Variants in FAM118B observed in about 807,000 individuals in gnomAD.
The protein encoded by FAM118B is protein FAM118B.
A neutral mutation model predicts 38.5 loss-of-function variants in FAM118B; 24 were observed. That is an observed-to-expected ratio of 0.62 (90% confidence interval 0.45 to 0.88). The LOEUF (loss-of-function observed/expected upper bound fraction) is 0.88. FAM118B is among the 40% of genes least tolerant of loss of function. The probability of loss-of-function intolerance (pLI) is 0.00; values close to 1 mark genes in which losing one functional copy is unlikely to be tolerated. For synonymous variants in FAM118B, 138 were observed against 156.3 expected (o/e 0.88, Z 0.87); for missense variants, 334 against 420.0 (o/e 0.80, Z 1.79).
chr11:126,254,328 G>A lies in FAM118B; in HGVS notation c.591G>A (p.Lys197=), dbSNP rs141587186. Reference sequence around the variant, plus strand: ...AGGTCCTCGAGTGGGCTCAGGAGAAGCGTAAGCTGAGCGTGTTGCATATTC... The same window carrying A: ...AGGTCCTCGAGTGGGCTCAGGAGAAACGTAAGCTGAGCGTGTTGCATATTC... ...EKKVLEWAQE[K]RKLSVLHIHG... Residue 197 remains lysine (K), a synonymous_variant, in exon 6 of 9, where the codon AAG becomes AAA. Coordinates refer to ENST00000533050, the MANE Select transcript of FAM118B (RefSeq NM_024556.4). 7.1e-5 allele frequency: 115 copies of A among 1,614,178 alleles called. No individual in the cohort carries two copies. In the African/African-American group the frequency reaches 1.4e-3, roughly 19 times the overall value.
chr11:126,256,817 G>C lies in FAM118B; in HGVS notation c.947G>C (p.Arg316Pro). The part of the protein sequence containing the change: ...DYADLPEYFK[R>P]LTCEISTRGT... ...GCCGATCTTCCAGAATATTTCAAGC[G>C]ACTGACATGTGAGATCTCCACAAGG... Residue 316 changes from arginine (R) to proline (P), a missense_variant, in exon 7 of 9, where the codon CGA (arginine) becomes CCA (proline). Arg to Pro is a moderately radical substitution (Grantham distance 103). Coordinates refer to ENST00000533050, the MANE Select transcript of FAM118B (RefSeq NM_024556.4). The surrounding 1 kb of genome is among the most constrained non-coding windows in gnomAD (Gnocchi z 6.6). 6.2e-7 allele frequency: 1 copy of C among 1,612,100 alleles called. No homozygotes were observed. The highest frequency in any genetic ancestry group is 8.5e-7 in the Non-Finnish European group (1 of 1,179,122).
rs1270906079 is a variant in FAM118B at position 126,240,877 on chromosome 11, C to A, written c.172C>A (p.Gln58Lys). The A allele has an allele frequency of 1.2e-6, 2 of 1,614,072 alleles. No homozygotes were observed. The highest frequency in any genetic ancestry group is 1.7e-6 in the Non-Finnish European group (2 of 1,180,042). The change falls in exon 4 of 9, where the codon CAA becomes AAA. Residue 58 changes from glutamine to lysine, a missense_variant. Transcript: ENST00000533050. Reference sequence around the variant, plus strand: ...AGGCATTAGTGCTGCAGTTGCGCCCCAAGTTCCAGCCCTCAAATCCTGGAA... The same window carrying A: ...AGGCATTAGTGCTGCAGTTGCGCCCAAAGTTCCAGCCCTCAAATCCTGGAA... ...GTGISAAVAP[Q>K]VPALKSWKGL...
Position 126,218,706 on chromosome 11 carries a change from G to A in FAM118B, c.-77+6876G>A, listed in dbSNP as rs191945513. Among the ~76,000 whole-genome samples the A allele has an allele frequency of 4.2e-3, 634 of 152,268 alleles. 3 individuals carry two copies. Among genetic ancestry groups the A allele is most frequent in the Non-Finnish European group, 6.8e-3 (462 of 68,026 alleles). On this transcript the variant is annotated intron_variant, in intron 1 of 8. Transcript: ENST00000533050. Reference sequence around the variant, plus strand: ...TTGTTATTTTAAGTTCCCAGCGTGGGTCTTGTTGGGTGGTGGCCATTACTA... The same window carrying A: ...TTGTTATTTTAAGTTCCCAGCGTGGATCTTGTTGGGTGGTGGCCATTACTA...
At chr11:126,241,140 G>A (rs1950352299) in intron 4 of FAM118B, 96 bp downstream of exon 4, 4 of 1,262,334 alleles carry the variant, frequency 3.2e-6, no homozygotes, top group East Asian at 4.7e-5. Context: ...CATGCCAAAT[G>A]TAACAGGGAT....
chr11:126,214,832 A>G (rs1949958271), intron 1 of FAM118B, among the ~76,000 whole-genome samples: 1 of 152,180 alleles, frequency 6.6e-6, no homozygotes, highest in African/African-American at 2.4e-5. Flanking sequence ...CAGGAACAAA[A>G]AGGCTGCATT....
chr11:126,214,520 T>TTG (rs1555048636), intron 1 of FAM118B: 1 of 131,904 alleles, frequency 7.6e-6, no homozygotes, highest in African/African-American at 2.8e-5. Context: ...TTTTGTTTTT[T>TTG]TTTTTTTACC....
At chr11:126,238,031 T>C (rs1055768428) in intron 3 of FAM118B, among the ~76,000 whole-genome samples, 1 of 152,040 alleles carries the variant, frequency 6.6e-6, no homozygotes, top group Admixed American at 6.6e-5. Context: ...AGGTGACCCT[T>C]GTTTGTCTGC....
upstream of FAM118B, chr11:126,211,726 G>A (rs1949878424): frequency 6.9e-7 from 1 of 1,450,552 alleles, no homozygotes. Context: ...CAGGTCACGT[G>A]GTGCGGGGTG....
intron 2 of FAM118B, 38 bp from the exon 3 acceptor site, chr11:126,234,957 A>G (rs777180351): frequency 6.7e-7 from 1 of 1,482,704 alleles, no homozygotes. Context: ...TATACTTTAC[A>G]GATCTAATTG....
At chr11:126,251,080 T>TA (rs1225394864) in intron 5 of FAM118B, among the ~76,000 whole-genome samples, 1 of 152,228 alleles carries the variant, frequency 6.6e-6, no homozygotes, top group Admixed American at 6.5e-5. Context: ...TACCTTTTTT[T>TA]ATGGCATCTA....
chr11:126,253,514 T>C lies in FAM118B; in HGVS notation c.568-791T>C, dbSNP rs185284842. Reference sequence around the variant, plus strand: ...TCCTCAGAGGTGACTGAAGTGATTTTTCTATCACTTATCTATTGCTGTACA... The same window carrying C: ...TCCTCAGAGGTGACTGAAGTGATTTCTCTATCACTTATCTATTGCTGTACA... On this transcript the variant is annotated intron_variant, in intron 5 of 8. Transcript: ENST00000533050. The surrounding 1 kb of genome is among the most constrained non-coding windows in gnomAD (Gnocchi z 5.1). Among the ~76,000 whole-genome samples, 83 of 152,350 alleles carry C rather than the reference T, an allele frequency of 5.4e-4. No homozygotes were observed. The highest frequency in any genetic ancestry group is 1.0e-3 in the Non-Finnish European group (70 of 68,030).
chr11:126,237,852 T>A (rs1455431980), intron 3 of FAM118B, among the ~76,000 whole-genome samples: 4 of 133,010 alleles, frequency 3.0e-5, no homozygotes, highest in Admixed American at 7.7e-5. Flanking sequence ...CTAGACTCCG[T>A]CTCCAAAAAA....
chr11:126,261,155 G>A (rs78366918), intron 7 of FAM118B: 44,809 of 364,722 alleles, frequency 0.12, 3,422 homozygotes, highest in South Asian at 0.16. Flanking sequence ...GCCTGTATGT[G>A]AAATGTAAAA....
At chr11:126,227,503 G>A (rs890092058) in intron 1 of FAM118B, among the ~76,000 whole-genome samples, 29 of 152,164 alleles carry the variant, frequency 1.9e-4, no homozygotes, top group African/African-American at 6.0e-4. Flanking sequence ...ATGTGAACTC[G>A]AAAGTAATTG....
At chr11:126,254,120 A>G (rs1371528072) in intron 5 of FAM118B, among the ~76,000 whole-genome samples, 185 bp from the exon 6 acceptor site, 1 of 152,218 alleles carries the variant, frequency 6.6e-6, no homozygotes, top group Non-Finnish European at 1.5e-5. Flanking sequence ...TGTTGCCATC[A>G]TTCTTGACAG....
At chr11:126,238,829 C>T (rs1950316189) in intron 3 of FAM118B, among the ~76,000 whole-genome samples, 1 of 151,826 alleles carries the variant, frequency 6.6e-6, no homozygotes, top group East Asian at 1.9e-4. Context: ...GCCCTTTGAC[C>T]TCTGTTGTCT....
rs1306851620 is a variant in FAM118B, at chr11:126,262,253, T to C, written c.*120T>C. On this transcript the variant is annotated 3_prime_UTR_variant, in exon 9 of 9. Coordinates refer to ENST00000533050, the MANE Select transcript of FAM118B (RefSeq NM_024556.4). The stretch of plus-strand genomic sequence containing the variant: ...CCCAGAAAGTAACAATAGCCAGAGG[T>C]TGAAGGGCGGGGTAGAAGAGGGGGG... The C allele has an allele frequency of 8.1e-6, 9 of 1,111,196 alleles. No individual in the cohort carries two copies. Among genetic ancestry groups the C allele is most frequent in the African/African-American group, 3.1e-5 (2 of 64,350 alleles). 68.8% of individuals were successfully genotyped at this position (1,111,196 alleles called of 1,614,324 possible).
rs201863903 is a variant in FAM118B, at chr11:126,254,344, T to C, written c.607T>C (p.Leu203=). 9 of 1,613,968 alleles carry C rather than the reference T, an allele frequency of 5.6e-6. No individual in the cohort carries two copies. The highest frequency in any genetic ancestry group is 5.1e-6 in the Non-Finnish European group (6 of 1,179,964). The part of the protein sequence containing the change: ...WAQEKRKLSV[L]HIHGVYTNPS... ...TCAGGAGAAGCGTAAGCTGAGCGTG[T>C]TGCATATTCACGGAGTCTACACCAA... Residue 203 remains leucine, a synonymous_variant, in exon 6 of 9, where the codon TTG becomes CTG. Transcript: ENST00000533050.
chr11:126,217,030 C>A (rs142982536), intron 1 of FAM118B, among the ~76,000 whole-genome samples: 202 of 152,308 alleles, frequency 1.3e-3, no homozygotes, highest in African/African-American at 4.4e-3. Context: ...CAGGGACCAT[C>A]TAGACACACC....
Sources: gnomAD v4.1 joint callset for allele counts (sites outside exome capture counted in the v4.1 genomes callset) on GRCh38, gnomAD v4.1.1 for gene constraint, Gnocchi (gnomAD v3.1) non-coding constraint, MANE v1.5 for transcripts, NCBI Gene and HGNC (gene_info 2026-07-23, HGNC 2026-07-21) for gene names.